Variants in SLC2A9 observed in about 807,000 individuals in gnomAD.
The protein encoded by SLC2A9 is solute carrier family 2 member 9, also known as solute carrier family 2, facilitated glucose transporter member 9.
SLC2A9 carries 39 observed loss-of-function variants against 50.6 expected under a neutral mutation model. That is an observed-to-expected ratio of 0.77 (90% CI 0.60 to 1.01). The LOEUF (loss-of-function observed/expected upper bound fraction) is 1.01, where lower values mean the gene tolerates loss of function less well. SLC2A9 is among the 50% of genes least tolerant of loss of function. The pLI is 0.00. For synonymous variants in SLC2A9, 324 were observed against 276.9 expected (o/e 1.17, Z -1.69); for missense variants, 686 against 677.6 (o/e 1.01, Z -0.14).
chr4:10,025,235 G>A (rs1454808999), upstream of SLC2A9, among the ~76,000 whole-genome samples: 1 of 152,170 alleles, frequency 6.6e-6, no homozygotes, highest in East Asian at 1.9e-4. Context: ...ATAATCCAAG[G>A]TTTAAGAAGG....
At chr4:9,821,524 C>T (rs1724398841), downstream of SLC2A9, among the ~76,000 whole-genome samples, 1 of 152,120 alleles carries the variant, frequency 6.6e-6, no homozygotes, top group Non-Finnish European at 1.5e-5. Flanking sequence ...GGAGGGAGAG[C>T]ATTAGGAGAA....
At chr4:9,868,237 G>C (rs937241473) in intron 10 of SLC2A9, among the ~76,000 whole-genome samples, 1 of 152,352 alleles carries the variant, frequency 6.6e-6, no homozygotes, top group South Asian at 2.1e-4. Flanking sequence ...CATCTCTGAT[G>C]GGGCCATGCC....
intron 2 of SLC2A9, among the ~76,000 whole-genome samples, chr4:10,013,159 G>T (rs1303636800): frequency 6.6e-6 from 1 of 152,180 alleles, no homozygotes; most frequent in Non-Finnish European, 1.5e-5. Flanking sequence ...GCCAGTTCAT[G>T]CAAAGTCCAG....
intron 5 of SLC2A9, among the ~76,000 whole-genome samples, chr4:9,960,459 C>G (rs1752085531): frequency 6.6e-6 from 1 of 152,178 alleles, no homozygotes; most frequent in Non-Finnish European, 1.5e-5. Flanking sequence ...GGAATATGAA[C>G]AGGAGTGGCC....
At chr4:9,898,734 C>T (rs183687804) in intron 8 of SLC2A9, among the ~76,000 whole-genome samples, 117 of 152,308 alleles carry the variant, frequency 7.7e-4, no homozygotes, top group African/African-American at 2.6e-3. Flanking sequence ...ACTGATTGTG[C>T]GCAGGGGCCC....
chr4:10,023,633 C>T (rs75468543), upstream of SLC2A9, among the ~76,000 whole-genome samples: 457 of 152,346 alleles, frequency 3.0e-3, 19 homozygotes, highest in East Asian at 0.074. Context: ...GGGTCCCTCC[C>T]GGATCCAGAT....
At chr4:9,980,508 G>A (rs989733165) in intron 5 of SLC2A9, 84 bp downstream of exon 5, 3 of 1,594,476 alleles carry the variant, frequency 1.9e-6, no homozygotes, top group Non-Finnish European at 2.6e-6. Context: ...AAAATACAGG[G>A]ACCAGCTTTT....
intron 7 of SLC2A9, among the ~76,000 whole-genome samples, chr4:9,911,311 C>T (rs1741747621): frequency 1.3e-5 from 2 of 152,088 alleles, no homozygotes; most frequent in Admixed American, 6.5e-5. Flanking sequence ...ATCACACACA[C>T]TGCCAGTCTT....
At chr4:10,021,509 G>A (rs1017153256), upstream of SLC2A9, 9 of 1,601,090 alleles carry the variant, frequency 5.6e-6, no homozygotes, top group Admixed American at 1.7e-5. Flanking sequence ...AGGAGGCAGA[G>A]TCCACTGGAA....
intron 2 of SLC2A9, among the ~76,000 whole-genome samples, chr4:10,008,224 AT>A (rs1318530025): frequency 6.6e-6 from 1 of 152,230 alleles, no homozygotes; most frequent in Non-Finnish European, 1.5e-5. Flanking sequence ...ACTTTATGAA[AT>A]GAGAAAATTC....
chr4:9,823,466 A>G (rs373944605), downstream of SLC2A9, among the ~76,000 whole-genome samples: 21 of 152,062 alleles, frequency 1.4e-4, no homozygotes, highest in African/African-American at 4.1e-4. Context: ...ATTTCATTGA[A>G]TATCATATGA....
intron 6 of SLC2A9, among the ~76,000 whole-genome samples, chr4:9,925,016 G>C (rs1052591592): frequency 2.6e-5 from 4 of 152,136 alleles, no homozygotes; most frequent in Admixed American, 6.5e-5. Context: ...TTGCCAGCAG[G>C]ATCCAGTCCA....
chr4:10,030,599 T>C (rs1033078959), intron 1 of SLC2A9, among the ~76,000 whole-genome samples: 1 of 152,022 alleles, frequency 6.6e-6, no homozygotes, highest in African/African-American at 2.4e-5. Flanking sequence ...AGGTGGGAAA[T>C]CTCTGTACCT....
intron 3 of SLC2A9, among the ~76,000 whole-genome samples, chr4:9,808,838 C>T (rs1267755594): frequency 2.0e-5 from 3 of 152,166 alleles, no homozygotes; most frequent in African/African-American, 7.2e-5. Context: ...GTCACAGCTG[C>T]CCTGCACAAC....
chr4:9,792,870 CTTTA>C (rs751614061), intron 3 of SLC2A9: 5 of 152,614 alleles, frequency 3.3e-5, no homozygotes, highest in East Asian at 3.8e-4. Flanking sequence ...CCTACATCCT[CTTTA>C]TTTATTTATT....
At chr4:9,891,172 T>C (rs751151560) in intron 8 of SLC2A9, among the ~76,000 whole-genome samples, 1 of 152,172 alleles carries the variant, frequency 6.6e-6, no homozygotes, top group East Asian at 1.9e-4. Flanking sequence ...CCAGTCTGCC[T>C]GTGTCTGGGG....
intron 2 of SLC2A9, among the ~76,000 whole-genome samples, chr4:10,016,555 A>G (rs1560494615): frequency 2.0e-5 from 3 of 151,946 alleles, no homozygotes; most frequent in Admixed American, 6.6e-5. Flanking sequence ...GGCTGTGTAG[A>G]TCTTCAGAAA....
At chr4:9,890,462 C>A (rs865873977) in intron 9 of SLC2A9, 148 bp downstream of exon 9, 8 of 785,510 alleles carry the variant, frequency 1.0e-5, no homozygotes, top group Middle Eastern at 5.3e-4. Context: ...CCCTCAGCAG[C>A]TCCAGAGATG....
chr4:10,002,501 C>T (rs987233629), intron 2 of SLC2A9, among the ~76,000 whole-genome samples: 8 of 152,178 alleles, frequency 5.3e-5, no homozygotes, highest in African/African-American at 1.7e-4. Flanking sequence ...AACTCTTGAA[C>T]TTATGATTAA....
Sources: gnomAD v4.1 joint callset for allele counts (sites outside exome capture counted in the v4.1 genomes callset) on GRCh38, gnomAD v4.1.1 for gene constraint, MANE v1.5 for transcripts, NCBI Gene and HGNC (gene_info 2026-07-23, HGNC 2026-07-21) for gene names.